CARD19: variants seen among roughly 807,000 people sequenced by gnomAD.
The protein encoded by CARD19 is caspase recruitment domain family member 19.
A neutral mutation model predicts 24.1 loss-of-function variants in CARD19; 25 were observed. The observed-to-expected ratio is 1.04, with a 90% CI of 0.76 to 1.45. CARD19 has a LOEUF of 1.45. Ranked by LOEUF, CARD19 falls within the 40% of genes most tolerant of loss-of-function variation. CARD19 has a pLI of 0.00. For synonymous variants in CARD19, 103 were observed against 104.9 expected (o/e 0.98, Z 0.11); for missense variants, 241 against 247.4 (o/e 0.97, Z 0.17).
chr9:93,111,854 C>T (rs751817602), intron 3 of CARD19, 25 bp from the exon 4 acceptor site: 1 of 1,610,036 alleles, frequency 6.2e-7, no homozygotes. Flanking sequence ...CGTTGACTAA[C>T]TATGCTCTGT....
intron 1 of CARD19, among the ~76,000 whole-genome samples, chr9:93,107,102 T>C (rs1296947354): frequency 6.6e-6 from 1 of 152,206 alleles, no homozygotes; most frequent in African/African-American, 2.4e-5. Flanking sequence ...CTGTGTCCCA[T>C]GGTGATCCCA....
intron 1 of CARD19, among the ~76,000 whole-genome samples, chr9:93,099,969 G>A (rs1375967513): frequency 6.6e-6 from 1 of 152,240 alleles, no homozygotes; most frequent in African/African-American, 2.4e-5. Flanking sequence ...TTAAGGATAC[G>A]TTTGTGGGTT....
At chr9:93,099,409 C>T (rs919740016) in intron 1 of CARD19, among the ~76,000 whole-genome samples, 2 of 152,146 alleles carry the variant, frequency 1.3e-5, no homozygotes, top group Admixed American at 6.5e-5. Context: ...CATGGCTGTG[C>T]CTGGGCCTGG....
In CARD19 at chr9:93,110,292, G is replaced by A. The variant is rs547148601; in HGVS notation, c.151-276G>A. ...TTACAGGCATGAGCCACCGCACCTT[G>A]CCAGCCCCATGCTTTCTTTGTGACC... On this transcript the variant is annotated intron_variant, in intron 2 of 5. Transcript: ENST00000375464. 12 of 458,372 alleles carry A rather than the reference G, an allele frequency of 2.6e-5. No homozygotes were observed. The East Asian group carries it at 4.6e-4, about 17-fold the overall frequency. The allele number at this position is 458,372 out of a possible 1,614,324, so 28.4% of individuals were successfully genotyped here. A position where few individuals can be genotyped will look rare whatever the true frequency, so the allele number is the denominator to read the frequency against.
rs549219391 is a variant in CARD19, at chr9:93,110,230, C to T, written c.151-338C>T. The T allele has an allele frequency of 1.5e-4, 38 of 260,902 alleles. 1 individual carries two copies. The highest frequency in any genetic ancestry group is 6.1e-4 in the African/African-American group (28 of 45,794). The allele number at this position is 260,902 out of a possible 1,614,324, so 16.2% of individuals were successfully genotyped here. A position where few individuals can be genotyped will look rare whatever the true frequency, so the allele number is the denominator to read the frequency against. On this transcript the variant is annotated intron_variant, in intron 2 of 5. Transcript: ENST00000375464. ...CAGGATGGTCTCGATCTCCTGACCTCGTGATCTGCCTGCCTCAGCCTCCCA... is the reference window on the plus strand; with the variant it reads ...CAGGATGGTCTCGATCTCCTGACCTTGTGATCTGCCTGCCTCAGCCTCCCA...
At chr9:93,101,855 C>T (rs566180430) in intron 1 of CARD19, among the ~76,000 whole-genome samples, 45 of 86,404 alleles carry the variant, frequency 5.2e-4, no homozygotes, top group African/African-American at 1.2e-3. Context: ...TTCTCCATAT[C>T]CTCACCAACA....
At chr9:93,103,917 A>G (rs374226098) in intron 1 of CARD19, among the ~76,000 whole-genome samples, 1 of 152,226 alleles carries the variant, frequency 6.6e-6, no homozygotes, top group Admixed American at 6.5e-5. Context: ...ATTAGGTTCT[A>G]TCTCTCAGTA....
intron 1 of CARD19, among the ~76,000 whole-genome samples, chr9:93,098,588 T>C (rs866226178): frequency 4.6e-5 from 7 of 152,192 alleles, no homozygotes; most frequent in Non-Finnish European, 7.4e-5. Context: ...TTCAGGGACT[T>C]GTTTATCGGG....
At chr9:93,097,329 C>T (rs888100502) in intron 1 of CARD19, among the ~76,000 whole-genome samples, 1 of 152,064 alleles carries the variant, frequency 6.6e-6, no homozygotes, top group Non-Finnish European at 1.5e-5. Flanking sequence ...CTGATGACTT[C>T]CAGGACACCA....
At chr9:93,111,140 A>G in intron 3 of CARD19, 1 of 1,225,046 alleles carries the variant, frequency 8.2e-7, no homozygotes, top group Non-Finnish European at 1.0e-6. Flanking sequence ...CCCATGACGG[A>G]CCCTTTCATT....
At chr9:93,110,885 C>T in intron 3 of CARD19, 164 bp downstream of exon 3, 1 of 1,533,128 alleles carries the variant, frequency 6.5e-7, no homozygotes, top group Non-Finnish European at 8.7e-7. Context: ...CACCCTCTGG[C>T]CCCGAGGGGA....
intron 1 of CARD19, among the ~76,000 whole-genome samples, chr9:93,099,416 C>T (rs1826997883): frequency 6.6e-6 from 1 of 152,174 alleles, no homozygotes; most frequent in African/African-American, 2.4e-5. Context: ...GTGCCTGGGC[C>T]TGGATCTTGA....
chr9:93,096,354 T>C lies in CARD19; in HGVS notation c.7+2T>C, dbSNP rs1826857259. The C allele has an allele frequency of 8.2e-7, 1 of 1,225,794 alleles. No individual in the cohort carries two copies. Among genetic ancestry groups the C allele is most frequent in the African/African-American group, 1.6e-5 (1 of 64,112 alleles). 75.9% of individuals were successfully genotyped at this position (1,225,794 alleles called of 1,614,324 possible). ...GCGCTGTGTCCGTCGCCATGACAGG[T>C]GGGCACGGGGTCGGCTGGGCGGCAG... On this transcript the variant is annotated splice_donor_variant, in intron 1 of 5. Coordinates refer to ENST00000375464, the MANE Select transcript of CARD19 (RefSeq NM_032310.5). LOFTEE classifies it high-confidence loss of function. This position sits in a 1 kb window ranked among gnomAD's most constrained non-coding sequence, Gnocchi z 5.4.
Position 93,110,575 on chromosome 9 carries a change from AC to A in CARD19, c.162del (p.Lys55ArgfsTer12). 6.2e-7 allele frequency: 1 copy of A among 1,600,728 alleles called. No individual in the cohort carries two copies. The highest frequency in any genetic ancestry group is 8.5e-7 in the Non-Finnish European group (1 of 1,171,066). On this transcript the variant is annotated frameshift_variant, in exon 3 of 6. Transcript: ENST00000375464. LOFTEE classifies it high-confidence loss of function. ...LTNKEAEKFR[N>X]PKASLRVRLC... ...ACCCCCTTGTACCCTCAGTTCCGGA[AC>A]CCCAAGGCATCCTTGCGTGTGCGGC...
At chr9:93,111,561 G>T (rs993225466) in intron 3 of CARD19, 4 of 1,252,482 alleles carry the variant, frequency 3.2e-6, no homozygotes, top group Non-Finnish European at 4.0e-6. Context: ...AGCCCTGCAG[G>T]TGGGACTGGC....
intron 1 of CARD19, among the ~76,000 whole-genome samples, chr9:93,103,887 T>C (rs978762605): frequency 7.2e-5 from 11 of 152,228 alleles, no homozygotes; most frequent in Non-Finnish European, 1.6e-4. Flanking sequence ...AGTAGAGCCC[T>C]CATGACCTAC....
chr9:93,099,708 C>T (rs556930689), intron 1 of CARD19, among the ~76,000 whole-genome samples: 4 of 152,380 alleles, frequency 2.6e-5, no homozygotes, highest in East Asian at 1.9e-4. Context: ...GGTCACTTGA[C>T]GTCCCTGTGC....
At chr9:93,108,268 T>C (rs1827339419) in intron 2 of CARD19, among the ~76,000 whole-genome samples, 1 of 152,172 alleles carries the variant, frequency 6.6e-6, no homozygotes, top group Non-Finnish European at 1.5e-5. Flanking sequence ...CACAGGGCTT[T>C]GCACTCTGCA....
At chr9:93,099,648 A>G (rs1827006291) in intron 1 of CARD19, among the ~76,000 whole-genome samples, 1 of 152,234 alleles carries the variant, frequency 6.6e-6, no homozygotes, top group Non-Finnish European at 1.5e-5. Context: ...AGAGGGCTGC[A>G]GGCGCTGGAC....
Sources: allele counts gnomAD v4.1 joint callset (sites outside exome capture counted in the v4.1 genomes callset), GRCh38; gene constraint gnomAD v4.1.1; non-coding constraint Gnocchi (gnomAD v3.1); transcripts MANE v1.5; gene names NCBI Gene and HGNC (gene_info 2026-07-23, HGNC 2026-07-21).